Variants in FGGY observed in about 807,000 individuals in gnomAD.
The protein encoded by FGGY is FGGY carbohydrate kinase domain containing.
A neutral mutation model predicts 71.3 loss-of-function variants in FGGY; 72 were observed. The ratio of observed to expected loss-of-function variants is 1.01; its 90% confidence interval spans 0.84 to 1.23. FGGY has a LOEUF of 1.23. Ranked by LOEUF, FGGY falls within the 50% of genes most tolerant of loss-of-function variation. The probability of loss-of-function intolerance (pLI) is 0.00; values close to 1 mark genes in which losing one functional copy is unlikely to be tolerated. For missense variants in FGGY, 668 were observed against 682.3 expected (o/e 0.98, Z 0.23); for synonymous variants, 251 against 250.3 (o/e 1.00, Z -0.02).
chr1:59,473,281 G>C (rs1272518589), intron 6 of FGGY, among the ~76,000 whole-genome samples: 1 of 151,456 alleles, frequency 6.6e-6, no homozygotes, highest in Non-Finnish European at 1.5e-5. Flanking sequence ...GCCGGCTTAA[G>C]AGCTGTAACA....
At chr1:59,300,787 A>G (rs1225843917) in intron 1 of FGGY, among the ~76,000 whole-genome samples, 1 of 152,152 alleles carries the variant, frequency 6.6e-6, no homozygotes. Flanking sequence ...TCAATTTACC[A>G]TGTATACATT....
intron 6 of FGGY, among the ~76,000 whole-genome samples, chr1:59,461,433 A>G (rs1250390790): frequency 6.6e-6 from 1 of 152,228 alleles, no homozygotes; most frequent in Non-Finnish European, 1.5e-5. Flanking sequence ...AGAAGACCAT[A>G]TCTACATTTG....
At chr1:59,601,934 G>A (rs766009035) in intron 8 of FGGY, among the ~76,000 whole-genome samples, 9 of 152,120 alleles carry the variant, frequency 5.9e-5, no homozygotes, top group Non-Finnish European at 8.8e-5. Context: ...AGTACTAGGG[G>A]TACTACCAAC....
chr1:59,577,741 T>C (rs530656825), intron 8 of FGGY, among the ~76,000 whole-genome samples: 24 of 152,298 alleles, frequency 1.6e-4, no homozygotes, highest in African/African-American at 5.8e-4. Flanking sequence ...TTTCATTTCA[T>C]AAGTTAGAGT....
chr1:59,624,440 T>C (rs2096838215), intron 9 of FGGY, among the ~76,000 whole-genome samples: 1 of 152,166 alleles, frequency 6.6e-6, no homozygotes, highest in Admixed American at 6.5e-5. Context: ...GTACAATGCT[T>C]AAGTTAGTAC....
chr1:59,318,113 T>G (rs1439006474), intron 1 of FGGY, among the ~76,000 whole-genome samples: 2 of 152,200 alleles, frequency 1.3e-5, no homozygotes, highest in African/African-American at 4.8e-5. Flanking sequence ...TACTGTCAAT[T>G]GTATTACTGC....
At chr1:59,465,543 A>T (rs969794560) in intron 6 of FGGY, among the ~76,000 whole-genome samples, 3 of 152,242 alleles carry the variant, frequency 2.0e-5, no homozygotes, top group African/African-American at 7.2e-5. Flanking sequence ...AGGGTATTCA[A>T]TTAGGAAAAG....
chr1:59,487,927 C>T (rs565342314), intron 6 of FGGY, among the ~76,000 whole-genome samples: 24 of 151,222 alleles, frequency 1.6e-4, no homozygotes, highest in African/African-American at 5.8e-4. Flanking sequence ...AAAGTAAAAA[C>T]AACTAAAGAA....
At chr1:59,475,211 G>T (rs2093202691) in intron 6 of FGGY, among the ~76,000 whole-genome samples, 2 of 152,072 alleles carry the variant, frequency 1.3e-5, no homozygotes, top group East Asian at 1.9e-4. Context: ...AGATTAATTA[G>T]ATTTCTGCTT....
chr1:59,537,953 T>C (rs1365237527), intron 7 of FGGY, among the ~76,000 whole-genome samples: 1 of 152,146 alleles, frequency 6.6e-6, no homozygotes, highest in African/African-American at 2.4e-5. Context: ...ACTTCATGTC[T>C]AAAACACCAA....
chr1:59,542,272 T>C (rs1291934265), intron 7 of FGGY, among the ~76,000 whole-genome samples: 3 of 152,092 alleles, frequency 2.0e-5, no homozygotes. Context: ...ATTACATTTT[T>C]TTTCAAGTAT....
chr1:59,488,723 A>T (rs1015349333), intron 6 of FGGY, among the ~76,000 whole-genome samples: 1 of 151,796 alleles, frequency 6.6e-6, no homozygotes, highest in Admixed American at 6.6e-5. Flanking sequence ...CTTTTCTTGT[A>T]TCATTTAAAT....
chr1:59,493,936 A>G (rs1419509819), intron 6 of FGGY, among the ~76,000 whole-genome samples: 2 of 152,174 alleles, frequency 1.3e-5, no homozygotes, highest in African/African-American at 4.8e-5. Context: ...TAAATCTATT[A>G]TTTCTTAGTT....
intron 6 of FGGY, among the ~76,000 whole-genome samples, chr1:59,472,508 C>G (rs1014805573): frequency 2.6e-5 from 4 of 152,242 alleles, no homozygotes; most frequent in African/African-American, 4.8e-5. Context: ...CCACCTGCAG[C>G]CCCGGTGCGG....
At chr1:59,540,079 C>A (rs1291504195) in intron 7 of FGGY, among the ~76,000 whole-genome samples, 2 of 152,166 alleles carry the variant, frequency 1.3e-5, no homozygotes, top group African/African-American at 4.8e-5. Flanking sequence ...TCACTACACA[C>A]CCTGCAGGTT....
rs1309560656 is a variant in FGGY at position 59,302,853 on chromosome 1, CA to C, written c.-15+5709del. 2.2e-4 allele frequency among the ~76,000 whole-genome samples: 34 copies of C among 151,880 alleles called. No individual in the cohort carries two copies. The South Asian group carries it at 6.9e-3, about 31-fold the overall frequency. On this transcript the variant is annotated intron_variant, in intron 1 of 15. Coordinates refer to ENST00000303721, the MANE Select transcript of FGGY (RefSeq NM_018291.5). ...CCATTCACAATTCCAAAAAAAACCC[CA>C]AAAAACCCTGTTTAGTAGGATTCAC...
chr1:59,472,753 T>C (rs1048996995), intron 6 of FGGY, among the ~76,000 whole-genome samples: 4 of 151,668 alleles, frequency 2.6e-5, no homozygotes, highest in Non-Finnish European at 4.4e-5. Context: ...ACACTCTGTA[T>C]CTAGCTAATC....
At chr1:59,492,590 T>G (rs1173257249) in intron 6 of FGGY, among the ~76,000 whole-genome samples, 2 of 152,136 alleles carry the variant, frequency 1.3e-5, no homozygotes, top group Non-Finnish European at 2.9e-5. Flanking sequence ...CCAGTAGATA[T>G]TATGAAAACT....
At chr1:59,642,569 G>A (rs1322718720) in intron 11 of FGGY, among the ~76,000 whole-genome samples, 1 of 149,512 alleles carries the variant, frequency 6.7e-6, no homozygotes, top group Non-Finnish European at 1.5e-5. Context: ...AGGTTGCAGT[G>A]AGCTGAGATT....
Sources: allele counts gnomAD v4.1 joint callset (sites outside exome capture counted in the v4.1 genomes callset), GRCh38; gene constraint gnomAD v4.1.1; transcripts MANE v1.5; gene names NCBI Gene and HGNC (gene_info 2026-07-23, HGNC 2026-07-21).